Variants in CSRNP3 observed in about 807,000 individuals in gnomAD.
CSRNP3 encodes cysteine/serine-rich nuclear protein 3.
CSRNP3 carries 12 observed loss-of-function variants against 48.0 expected under a neutral mutation model. The ratio of observed to expected loss-of-function variants is 0.25; its 90% CI spans 0.16 to 0.41. The LOEUF is 0.41. Among genes scored for constraint, CSRNP3 ranks in the 10% least tolerant of loss-of-function variants. CSRNP3 has a pLI of 1.00. For missense variants in CSRNP3, 580 were observed against 724.4 expected, an observed-to-expected ratio of 0.80 and a Z score of 2.29; for synonymous variants, 263 against 269.7, an observed-to-expected ratio of 0.98 and a Z score of 0.24.
At chr2:165,527,232 A>G (rs1574822148) in intron 3 of CSRNP3, among the ~76,000 whole-genome samples, 1 of 121,772 alleles carries the variant, frequency 8.2e-6, no homozygotes, top group South Asian at 2.7e-4. Flanking sequence ...TTTGAGACAG[A>G]GGCTCATTCT....
chr2:165,635,750 G>A (rs543865236), intron 4 of CSRNP3, among the ~76,000 whole-genome samples: 1 of 152,264 alleles, frequency 6.6e-6, no homozygotes, highest in East Asian at 1.9e-4. Context: ...TTTAGTCATA[G>A]GCCAGTACAG....
intron 5 of CSRNP3, among the ~76,000 whole-genome samples, chr2:165,666,144 AAGAGAGAGGAAGAAAGAG>A (rs1687193554): frequency 1.0e-5 from 1 of 100,284 alleles, no homozygotes; most frequent in African/African-American, 3.9e-5. Flanking sequence ...GAAGGAAGGA[AAGAGAGAGGAAGAAAGAG>A]AGAGAGAGAA....
intron 1 of CSRNP3, among the ~76,000 whole-genome samples, chr2:165,472,178 T>G (rs1243265862): frequency 6.6e-6 from 1 of 152,056 alleles, no homozygotes; most frequent in African/African-American, 2.4e-5. Flanking sequence ...AGAGAGAAGC[T>G]TGGTATATGT....
chr2:165,664,569 T>A (rs1687148065), intron 5 of CSRNP3, among the ~76,000 whole-genome samples: 1 of 152,212 alleles, frequency 6.6e-6, no homozygotes, highest in Non-Finnish European at 1.5e-5. Context: ...TATGTTTCTG[T>A]TCTGCAGGAT....
At chr2:165,566,225 C>T (rs1280892579) in intron 3 of CSRNP3, among the ~76,000 whole-genome samples, 1 of 151,784 alleles carries the variant, frequency 6.6e-6, no homozygotes, top group Non-Finnish European at 1.5e-5. Flanking sequence ...AAAATCTTAG[C>T]ATTTTCAGAG....
intron 2 of CSRNP3, among the ~76,000 whole-genome samples, chr2:165,500,423 A>G (rs1336413978): frequency 1.5e-5 from 1 of 68,884 alleles, no homozygotes; most frequent in Non-Finnish European, 2.7e-5. Flanking sequence ...ATATATATAC[A>G]CACACACACA....
rs1574801776 is a variant in CSRNP3 at position 165,491,975 on chromosome 2, A to G, written c.-282-2784A>G. ...TAAAAAAAAAAAAAAAAACAAAGCTAGAAACCAGAGATGGTCCTAGATGAA... is the reference window on the plus strand; with the variant it reads ...TAAAAAAAAAAAAAAAAACAAAGCTGGAAACCAGAGATGGTCCTAGATGAA... On this transcript the variant is annotated intron_variant, in intron 1 of 6. Coordinates refer to ENST00000651982, the MANE Select transcript of CSRNP3 (RefSeq NM_001172173.2). Among the ~76,000 whole-genome samples the G allele has an allele frequency of 6.0e-5, 9 of 151,244 alleles. No individual in the cohort carries two copies. In the South Asian group the frequency reaches 1.9e-3, roughly 32 times the overall value.
At chr2:165,597,400 A>G (rs1428727008) in intron 4 of CSRNP3, among the ~76,000 whole-genome samples, 2 of 152,178 alleles carry the variant, frequency 1.3e-5, no homozygotes, top group Admixed American at 6.5e-5. Context: ...AGACTATTTA[A>G]GAAATGGTTA....
At chr2:165,529,096 G>C (rs942076142) in intron 3 of CSRNP3, among the ~76,000 whole-genome samples, 1 of 152,186 alleles carries the variant, frequency 6.6e-6, no homozygotes, top group South Asian at 2.1e-4. Flanking sequence ...GCTCAGAAGT[G>C]CCTGCTCCCA....
chr2:165,588,371 C>T (rs1359981276), intron 3 of CSRNP3, among the ~76,000 whole-genome samples: 7 of 152,210 alleles, frequency 4.6e-5, no homozygotes, highest in Admixed American at 6.5e-5. Flanking sequence ...GAGTTTTAAG[C>T]CATAGACTGA....
intron 2 of CSRNP3, among the ~76,000 whole-genome samples, chr2:165,498,231 C>T (rs1046565002): frequency 1.3e-5 from 2 of 151,914 alleles, no homozygotes; most frequent in Non-Finnish European, 2.9e-5. Flanking sequence ...CTTGTGATAA[C>T]GTGAAAATGT....
chr2:165,494,832 C>G lies in CSRNP3; in HGVS notation c.-209C>G. The G allele has an allele frequency of 5.0e-6, 1 of 201,176 alleles. No individual in the cohort carries two copies. Among genetic ancestry groups the G allele is most frequent in the South Asian group, 1.2e-4 (1 of 8,430 alleles). 12.5% of individuals were successfully genotyped at this position (201,176 alleles called of 1,614,324 possible). On this transcript the variant is annotated 5_prime_UTR_variant, in exon 2 of 7. Transcript: ENST00000651982. ...TTGAAGAAGTCAACGGCTCCTCACC[C>G]TGCTCTTCAGTGCAGGAATCAGATG...
At chr2:165,629,700 G>T (rs953645192) in intron 4 of CSRNP3, among the ~76,000 whole-genome samples, 1 of 152,120 alleles carries the variant, frequency 6.6e-6, no homozygotes, top group Non-Finnish European at 1.5e-5. Context: ...AAGATATCTC[G>T]ATATGTTTGA....
At chr2:165,533,619 A>G (rs968366325) in intron 3 of CSRNP3, among the ~76,000 whole-genome samples, 6 of 152,208 alleles carry the variant, frequency 3.9e-5, no homozygotes, top group African/African-American at 1.4e-4. Context: ...TTTCTCACAG[A>G]CCACAAGCTA....
intron 5 of CSRNP3, among the ~76,000 whole-genome samples, chr2:165,666,992 A>AGAGAGG (rs1687234791): frequency 3.0e-5 from 1 of 33,798 alleles, no homozygotes; most frequent in East Asian, 7.6e-4. Context: ...AGGAAGAAAG[A>AGAGAGG]AAGAGAGAGA....
chr2:165,477,558 A>G (rs2105446244), intron 1 of CSRNP3, among the ~76,000 whole-genome samples: 1 of 147,530 alleles, frequency 6.8e-6, no homozygotes, highest in East Asian at 2.0e-4. Flanking sequence ...AATCCCAGCT[A>G]CTCAGGAGGC....
intron 1 of CSRNP3, among the ~76,000 whole-genome samples, chr2:165,480,903 C>T (rs1179476030): frequency 1.3e-5 from 2 of 148,946 alleles, no homozygotes; most frequent in Non-Finnish European, 3.0e-5. Context: ...AATCTCTGCA[C>T]TTTGAGAGGC....
In CSRNP3 at chr2:165,503,669, G is replaced by A. The variant is rs111622525; in HGVS notation, c.-113+8741G>A. 1.2e-4 allele frequency among the ~76,000 whole-genome samples: 18 copies of A among 152,058 alleles called. 2 individuals carry two copies. The highest frequency in any genetic ancestry group is 3.9e-4 in the African/African-American group (16 of 41,554). The stretch of plus-strand genomic sequence containing the variant: ...GTAGATTAATTTAGGCAACACATTA[G>A]ATATCTTTTTGTATTTAACTATTAT... On this transcript the variant is annotated intron_variant, in intron 2 of 6. Coordinates refer to ENST00000651982, the MANE Select transcript of CSRNP3 (RefSeq NM_001172173.2).
chr2:165,580,214 C>T (rs1014153019), intron 3 of CSRNP3, among the ~76,000 whole-genome samples: 4 of 152,250 alleles, frequency 2.6e-5, no homozygotes, highest in African/African-American at 9.6e-5. Flanking sequence ...GGTGAATCTC[C>T]TCTAAACAGT....
Sources: allele counts gnomAD v4.1 joint callset (sites outside exome capture counted in the v4.1 genomes callset), GRCh38; gene constraint gnomAD v4.1.1; transcripts MANE v1.5; gene names NCBI Gene and HGNC (gene_info 2026-07-23, HGNC 2026-07-21).